The following NAT10 variants were observed in gnomAD, a reference collection of about 807,000 sequenced individuals.
NAT10 encodes RNA cytidine acetyltransferase.
NAT10 carries 109 observed loss-of-function variants against 132.2 expected under a neutral mutation model. The observed-to-expected ratio is 0.82, with a 90% confidence interval of 0.71 to 0.97. The LOEUF is 0.97. Among genes scored for constraint, NAT10 ranks in the 50% least tolerant of loss-of-function variants. The probability of loss-of-function intolerance (pLI) is 0.00; values close to 1 mark genes in which losing one functional copy is unlikely to be tolerated. For missense variants in NAT10, 1,184 were observed against 1,263.4 expected, an observed-to-expected ratio of 0.94 and a Z score of 0.95; for synonymous variants, 479 against 478.0, an observed-to-expected ratio of 1.00 and a Z score of -0.03.
At chr11:34,133,337 A>G (rs1270158642) in intron 16 of NAT10, among the ~76,000 whole-genome samples, 195 bp downstream of exon 16, 2 of 152,202 alleles carry the variant, frequency 1.3e-5, no homozygotes, top group African/African-American at 2.4e-5. Flanking sequence ...CCAAAGCTCC[A>G]CTGTTGACGG....
In NAT10 at chr11:34,108,295, TC is replaced by T. The variant is rs1851632114; in HGVS notation, c.71del (p.Ser24PhefsTer5). The T allele has an allele frequency of 1.2e-6, 2 of 1,614,002 alleles. No homozygotes were observed. The highest frequency in any genetic ancestry group is 1.7e-5 in the Admixed American group (1 of 60,012). ...IENGVAERQRSLFVVVGDRGK... is the reference protein window; with the variant it reads ...IENGVAERQRXLFVVVGDRGK... ...GAATGGAGTAGCTGAGCGGCAAAGA[TC>T]TCTCTTTGTTGTAGTTGGGGATCGA... On this transcript the variant is annotated frameshift_variant, in exon 2 of 29. Coordinates refer to ENST00000257829, the MANE Select transcript of NAT10 (RefSeq NM_024662.3). LOFTEE classifies it high-confidence loss of function.
At chr11:34,116,403 T>C (rs1170982516) in intron 6 of NAT10, among the ~76,000 whole-genome samples, 2 of 152,100 alleles carry the variant, frequency 1.3e-5, no homozygotes, top group Non-Finnish European at 2.9e-5. Flanking sequence ...TAAATTTGTA[T>C]GTATTTATTT....
At position 34,129,625 on chromosome 11, in the gene NAT10, T is replaced by G. The variant is rs866686309; in HGVS notation, c.1245-1188T>G. On this transcript the variant is annotated intron_variant, in intron 12 of 28. Coordinates refer to ENST00000257829, the MANE Select transcript of NAT10 (RefSeq NM_024662.3). The stretch of plus-strand genomic sequence containing the variant: ...TTTTTTTTTTTTTTTTTTTTTTTTT[T>G]GAGACAGACTCTGACTCTGTCGCCA... 2.4e-3 allele frequency among the ~76,000 whole-genome samples: 242 copies of G among 101,838 alleles called. 2 individuals carry two copies. The highest frequency in any genetic ancestry group is 8.6e-3 in the African/African-American group (226 of 26,236). 66.8% of individuals were successfully genotyped at this position (101,838 alleles called of 152,430 possible).
chr11:34,130,717 C>G, intron 12 of NAT10, 96 bp from the exon 13 acceptor site: 1 of 1,450,876 alleles, frequency 6.9e-7, no homozygotes, highest in South Asian at 1.3e-5. Context: ...AAGCAGGGGT[C>G]TGGTGTTTCA....
At chr11:34,106,442 A>T (rs1463230331) in intron 1 of NAT10, among the ~76,000 whole-genome samples, 6 of 149,824 alleles carry the variant, frequency 4.0e-5, no homozygotes, top group African/African-American at 1.2e-4. Flanking sequence ...TTTTACATCT[A>T]ATTTTACCTG....
At chr11:34,118,100 T>G (rs1851815837) in intron 6 of NAT10, 80 bp from the exon 7 acceptor site, 5 of 1,193,296 alleles carry the variant, frequency 4.2e-6, no homozygotes, top group Non-Finnish European at 6.0e-6. Flanking sequence ...GGCCAGTTAA[T>G]TTTTTTGAAG....
intron 12 of NAT10, among the ~76,000 whole-genome samples, chr11:34,128,758 T>C (rs954379644): frequency 6.6e-6 from 1 of 152,178 alleles, no homozygotes; most frequent in African/African-American, 2.4e-5. Context: ...GTTCACAGAG[T>C]TGTGCAACCG....
intron 13 of NAT10, 107 bp downstream of exon 13, chr11:34,131,044 A>C: frequency 1.3e-6 from 2 of 1,498,058 alleles, no homozygotes; most frequent in Non-Finnish European, 1.8e-6. Context: ...CCTTCCCACC[A>C]TCAGGCTGAG....
chr11:34,106,612 A>T (rs1040997494), intron 1 of NAT10, among the ~76,000 whole-genome samples: 2 of 152,162 alleles, frequency 1.3e-5, no homozygotes, highest in Admixed American at 1.3e-4. Flanking sequence ...CGGGATCTTT[A>T]TGTGGCCGGC....
Position 34,131,495 on chromosome 11 carries a change from T to C in NAT10, c.1484T>C (p.Ile495Thr). 6.2e-7 allele frequency: 1 copy of C among 1,614,068 alleles called. No homozygotes were observed. The highest frequency in any genetic ancestry group is 8.5e-7 in the Non-Finnish European group (1 of 1,179,994). The change falls in exon 14 of 29, where the codon ATA becomes ACA. Residue 495 changes from isoleucine to threonine, a missense_variant. Coordinates refer to ENST00000257829, the MANE Select transcript of NAT10 (RefSeq NM_024662.3). ...LCLDCLNITRIVSGCPLPEAC... is the reference protein window; with the variant it reads ...LCLDCLNITRTVSGCPLPEAC... ...CTGGATTGCCTCAACATCACTCGGATAGTCTCAGGCTGCCCCTTGCCTGAA... is the reference window on the plus strand; with the variant it reads ...CTGGATTGCCTCAACATCACTCGGACAGTCTCAGGCTGCCCCTTGCCTGAA...
intron 2 of NAT10, 89 bp from the exon 3 acceptor site, chr11:34,108,653 G>A: frequency 1.6e-6 from 2 of 1,261,266 alleles, no homozygotes; most frequent in Non-Finnish European, 2.2e-6. Flanking sequence ...CCTCAGTTTA[G>A]TTTCCACATC....
rs750046532 is a variant in NAT10 at position 34,136,773 on chromosome 11, C to G, written c.2160C>G (p.Leu720=). The G allele has an allele frequency of 6.2e-7, 1 of 1,614,160 alleles. No individual in the cohort carries two copies. Among genetic ancestry groups the G allele is most frequent in the Middle Eastern group, 1.6e-4 (1 of 6,062 alleles). Residue 720 remains leucine (L), a splice_region_variant and synonymous_variant, in exon 20 of 29, where the codon CTC becomes CTG. Transcript: ENST00000257829. Reference sequence around the variant, plus strand: ...CCTATGGCTTGACCCCCAGGCTCCTCAAGTAAGTGCCTGCCCTCCTTCCAC... The same window carrying G: ...CCTATGGCTTGACCCCCAGGCTCCTGAAGTAAGTGCCTGCCCTCCTTCCAC... The part of the protein sequence containing the change: ...GVSYGLTPRL[L]KFWKRAGFVP...
intron 24 of NAT10, 87 bp downstream of exon 24, chr11:34,140,659 A>T: frequency 4.9e-6 from 7 of 1,427,112 alleles, no homozygotes; most frequent in Non-Finnish European, 6.7e-6. Context: ...CTTGGACATA[A>T]TTGTGTGCCT....
intron 17 of NAT10, 42 bp from the exon 18 acceptor site, chr11:34,134,470 A>T (rs770870987): frequency 8.7e-6 from 14 of 1,613,726 alleles, no homozygotes; most frequent in Non-Finnish European, 1.0e-5. Context: ...GTGTCCAAAG[A>T]TGTCTGTGTT....
At chr11:34,132,955 C>A (rs1293386579) in intron 15 of NAT10, 71 bp from the exon 16 acceptor site, 18 of 1,258,718 alleles carry the variant, frequency 1.4e-5, no homozygotes, top group Non-Finnish European at 1.2e-6. Context: ...TCCTGTGGTT[C>A]TGAATCGAAC....
At chr11:34,140,701 T>C (rs2132980834) in intron 24 of NAT10, 129 bp downstream of exon 24, 1 of 1,095,476 alleles carries the variant, frequency 9.1e-7, no homozygotes, top group East Asian at 2.6e-5. Context: ...AGGTGGGTAG[T>C]GGCATCCTCA....
In NAT10 at chr11:34,124,430, A is replaced by C. The variant is rs868078599; in HGVS notation, c.1107+30A>C. 14 of 1,513,894 alleles carry C rather than the reference A, an allele frequency of 9.2e-6. No individual in the cohort carries two copies. In the Middle Eastern group the frequency reaches 2.4e-3, roughly 259 times the overall value. 93.8% of individuals were successfully genotyped at this position (1,513,894 alleles called of 1,614,324 possible). ...GGCTTGTTCTCAGACCCTGATGTGCAGGGCCAGTGTCTTGCTGTATTTAAC... is the reference window on the plus strand; with the variant it reads ...GGCTTGTTCTCAGACCCTGATGTGCCGGGCCAGTGTCTTGCTGTATTTAAC... On this transcript the variant is annotated intron_variant, in intron 11 of 28. Coordinates refer to ENST00000257829, the MANE Select transcript of NAT10 (RefSeq NM_024662.3).
At chr11:34,133,263 A>G in intron 16 of NAT10, 121 bp downstream of exon 16, 1 of 791,184 alleles carries the variant, frequency 1.3e-6, no homozygotes, top group Non-Finnish European at 2.1e-6. Flanking sequence ...TCTGGAACCA[A>G]GGGGCTGGGT....
chr11:34,138,641 C>T (rs1436444555), intron 21 of NAT10, among the ~76,000 whole-genome samples: 1 of 152,126 alleles, frequency 6.6e-6, no homozygotes, highest in African/African-American at 2.4e-5. Flanking sequence ...GCACTGTGCA[C>T]TGTTCATTTG....
Sources: allele counts gnomAD v4.1 joint callset (sites outside exome capture counted in the v4.1 genomes callset), GRCh38; gene constraint gnomAD v4.1.1; transcripts MANE v1.5; gene names NCBI Gene and HGNC (gene_info 2026-07-23, HGNC 2026-07-21).